ZNF777: variants seen among roughly 807,000 people sequenced by gnomAD.
The protein encoded by ZNF777 is zinc finger protein 777.
Under a neutral mutation model 72.1 loss-of-function variants are expected in ZNF777, and 7 were observed. The ratio of observed to expected loss-of-function variants is 0.10; its 90% CI spans 0.06 to 0.18. ZNF777 has a LOEUF of 0.18. Among genes scored for constraint, ZNF777 ranks in the 10% least tolerant of loss-of-function variants. The pLI is 1.00. For missense variants in ZNF777, 828 were observed against 1,128.6 expected, an observed-to-expected ratio of 0.73 and a Z score of 3.82; for synonymous variants, 545 against 483.5, an observed-to-expected ratio of 1.13 and a Z score of -1.67.
At chr7:149,445,139 T>C (rs538612735) in intron 4 of ZNF777, among the ~76,000 whole-genome samples, 292 of 152,234 alleles carry the variant, frequency 1.9e-3, no homozygotes, top group Middle Eastern at 3.4e-3. Context: ...TGCTCCTGAG[T>C]CTCTAATTTG....
At chr7:149,448,862 T>A (rs1382540792) in intron 4 of ZNF777, among the ~76,000 whole-genome samples, 2 of 152,100 alleles carry the variant, frequency 1.3e-5, no homozygotes, top group African/African-American at 2.4e-5. Context: ...GACATCTGAA[T>A]CATCTTTACA....
At position 149,441,984 on chromosome 7, in the gene ZNF777, G is replaced by A. The variant is rs192618790; in HGVS notation, c.1088-5158C>T. Among the ~76,000 whole-genome samples the A allele has an allele frequency of 9.9e-5, 15 of 151,274 alleles. No homozygotes were observed. The East Asian group carries it at 2.3e-3, about 24-fold the overall frequency. Reference sequence around the variant, plus strand: ...AGATTGGGAGGCTGAGGCGGGTAACGTCAGGACAAACTCCTGACGTCAGGA... The same window carrying A: ...AGATTGGGAGGCTGAGGCGGGTAACATCAGGACAAACTCCTGACGTCAGGA... On this transcript the variant is annotated intron_variant, in intron 4 of 5. Transcript: ENST00000247930.
Position 149,451,115 on chromosome 7 carries a change from A to G in ZNF777, c.974-3T>C. ...GTCTGGTTTGGAAATTGCATAGTCT[A>G]GGCAGAAGAAAGGGAAAAAAATATG... On this transcript the variant is annotated splice_region_variant and splice_polypyrimidine_tract_variant and intron_variant, in intron 3 of 5. Coordinates refer to ENST00000247930, the MANE Select transcript of ZNF777 (RefSeq NM_015694.3). 6.2e-7 allele frequency: 1 copy of G among 1,613,398 alleles called. No individual in the cohort carries two copies. The highest frequency in any genetic ancestry group is 1.1e-5 in the South Asian group (1 of 91,076).
Position 149,431,572 on chromosome 7 carries a change from CT to C in ZNF777, c.*203del, listed in dbSNP as rs1563231692. 9.2e-6 allele frequency: 5 copies of C among 541,658 alleles called. No homozygotes were observed. In the Admixed American group the frequency reaches 1.1e-4, roughly 11 times the overall value. 33.6% of individuals were successfully genotyped at this position (541,658 alleles called of 1,614,324 possible). A position where few individuals can be genotyped will look rare whatever the true frequency, so the allele number is the denominator to read the frequency against. ...GTTCCCCAGGTCCGCGCCCTCCCCC[CT>C]GGGGCCCCCGGGGAAACGCGGCAGC... On this transcript the variant is annotated 3_prime_UTR_variant, in exon 6 of 6. Coordinates refer to ENST00000247930, the MANE Select transcript of ZNF777 (RefSeq NM_015694.3).
At chr7:149,433,936 A>G (rs1799369133) in intron 5 of ZNF777, among the ~76,000 whole-genome samples, 1 of 152,250 alleles carries the variant, frequency 6.6e-6, no homozygotes. Flanking sequence ...GTGACATAAG[A>G]AAGTCACTTC....
chr7:149,448,579 C>CTATATATATATATA (rs57860880), intron 4 of ZNF777, among the ~76,000 whole-genome samples: 157 of 115,004 alleles, frequency 1.4e-3, no homozygotes, highest in Middle Eastern at 4.8e-3. Flanking sequence ...ATACATATAA[C>CTATATATATATATA]TATATATATA....
In ZNF777 at chr7:149,450,951, A is replaced by G. The variant is rs373319452; in HGVS notation, c.1087+48T>C. The G allele has an allele frequency of 8.3e-4, 1,262 of 1,527,516 alleles. 22 individuals carry two copies. In the South Asian group the frequency reaches 0.013, roughly 16 times the overall value. The allele number at this position is 1,527,516 out of a possible 1,614,324, so 94.6% of individuals were successfully genotyped here. On this transcript the variant is annotated intron_variant, in intron 4 of 5. Transcript: ENST00000247930. Reference sequence around the variant, plus strand: ...TGCCTCATGCTGGCGCTTCCTGAGTACTGAAAGATCTAGAATGCAGAGCTG... The same window carrying G: ...TGCCTCATGCTGGCGCTTCCTGAGTGCTGAAAGATCTAGAATGCAGAGCTG...
At chr7:149,448,552 CATAT>C (rs928866876) in intron 4 of ZNF777, among the ~76,000 whole-genome samples, 1 of 107,084 alleles carries the variant, frequency 9.3e-6, no homozygotes, top group Non-Finnish European at 1.9e-5. Flanking sequence ...TATAGTTATA[CATAT>C]AGTTATATAG....
intron 4 of ZNF777, among the ~76,000 whole-genome samples, chr7:149,450,753 G>A (rs1460972088): frequency 6.6e-6 from 1 of 152,200 alleles, no homozygotes; most frequent in Non-Finnish European, 1.5e-5. Flanking sequence ...TTCCTACAGA[G>A]AGTGAGGTGA....
chr7:149,439,547 G>C (rs1799472277), intron 4 of ZNF777, among the ~76,000 whole-genome samples: 1 of 152,104 alleles, frequency 6.6e-6, no homozygotes, highest in African/African-American at 2.4e-5. Context: ...AAAAATACAT[G>C]AACAAATTCT....
intron 4 of ZNF777, among the ~76,000 whole-genome samples, chr7:149,450,469 TCAGATA>T (rs1799692535): frequency 1.3e-5 from 2 of 152,106 alleles, no homozygotes; most frequent in African/African-American, 4.8e-5. Context: ...AAAACTATAC[TCAGATA>T]CAGTCAGCCT....
In ZNF777 at chr7:149,451,061, C is replaced by G. The variant is rs573297784; in HGVS notation, c.1025G>C (p.Arg342Pro). ...DLMSQMERGE[R>P]PTMQEQEDSE... Reference sequence around the variant, plus strand: ...GTCTTCCTGCTCCTGCATGGTGGGCCGCTCCCCGCGCTCCATCTGTGACAT... The same window carrying G: ...GTCTTCCTGCTCCTGCATGGTGGGCGGCTCCCCGCGCTCCATCTGTGACAT... Residue 342 changes from arginine (R) to proline (P), a missense_variant, in exon 4 of 6, where the codon CGG becomes CCG. Physicochemically the swap from Arg to Pro is moderately radical, Grantham distance 103 (BLOSUM62 -2). Transcript: ENST00000247930. 2 of 1,613,990 alleles carry G rather than the reference C, an allele frequency of 1.2e-6. No individual in the cohort carries two copies. The highest frequency in any genetic ancestry group is 1.7e-6 in the Non-Finnish European group (2 of 1,180,028).
Position 149,455,806 on chromosome 7 carries a change from G to A in ZNF777, c.217C>T (p.His73Tyr). 1 of 1,612,818 alleles carries A rather than the reference G, an allele frequency of 6.2e-7. No homozygotes were observed. The highest frequency in any genetic ancestry group is 8.5e-7 in the Non-Finnish European group (1 of 1,179,010). ...PKQETSGRMP[H>Y]VLQKGPSLLC... ...AGTGAGGGTCCCTTCTGGAGCACATGTGGCATCCGGCCAGAAGTCTCTTGC... is the reference window on the plus strand; with the variant it reads ...AGTGAGGGTCCCTTCTGGAGCACATATGGCATCCGGCCAGAAGTCTCTTGC... Residue 73 changes from histidine to tyrosine, a missense_variant, in exon 2 of 6, where the codon CAT (histidine) becomes TAT (tyrosine). His to Tyr is a moderately conservative substitution (Grantham distance 83, BLOSUM62 2). Transcript: ENST00000247930. The surrounding 1 kb of genome is among the most constrained non-coding windows in gnomAD (Gnocchi z 4.2).
intron 4 of ZNF777, among the ~76,000 whole-genome samples, chr7:149,443,753 T>C (rs2116584910): frequency 6.6e-6 from 1 of 152,204 alleles, no homozygotes; most frequent in African/African-American, 2.4e-5. Flanking sequence ...CAGCTATATA[T>C]ACATATTTTG....
chr7:149,451,394 T>TA (rs1799714459), intron 3 of ZNF777, among the ~76,000 whole-genome samples: 1 of 151,834 alleles, frequency 6.6e-6, no homozygotes, highest in Non-Finnish European at 1.5e-5. Context: ...TTTTGTAAGG[T>TA]AAAAAACTAA....
intron 1 of ZNF777, chr7:149,459,893 G>T (rs866113450): frequency 2.1e-6 from 2 of 974,404 alleles, no homozygotes; most frequent in African/African-American, 3.5e-5. Flanking sequence ...GTGCCGGGCC[G>T]GGCGTGAGAG....
intron 4 of ZNF777, among the ~76,000 whole-genome samples, chr7:149,448,651 A>G (rs1350454667): frequency 6.8e-6 from 1 of 147,462 alleles, no homozygotes; most frequent in African/African-American, 2.5e-5. Context: ...GAAAGCATCA[A>G]ATTGCTTTCT....
chr7:149,456,047 T>C lies in ZNF777; in HGVS notation c.-15-10A>G. ...TGTCCAGCTGCTGAACCTGTGTTCA[T>C]GGAAGAAAGGAAAAGAGGATTAAAG... On this transcript the variant is annotated splice_polypyrimidine_tract_variant and intron_variant, in intron 1 of 5. Coordinates refer to ENST00000247930, the MANE Select transcript of ZNF777 (RefSeq NM_015694.3). 6.5e-7 allele frequency: 1 copy of C among 1,531,116 alleles called. No homozygotes were observed. Among genetic ancestry groups the C allele is most frequent in the Non-Finnish European group, 8.8e-7 (1 of 1,139,026 alleles). 94.8% of individuals were successfully genotyped at this position (1,531,116 alleles called of 1,614,324 possible).
chr7:149,434,245 G>A (rs1393360723), intron 5 of ZNF777, among the ~76,000 whole-genome samples: 1 of 152,172 alleles, frequency 6.6e-6, no homozygotes, highest in Admixed American at 6.5e-5. Flanking sequence ...CAATGTTTGT[G>A]ACCCAGCCAA....
Sources: allele counts gnomAD v4.1 joint callset (sites outside exome capture counted in the v4.1 genomes callset), GRCh38; gene constraint gnomAD v4.1.1; non-coding constraint Gnocchi (gnomAD v3.1); transcripts MANE v1.5; gene names NCBI Gene and HGNC (gene_info 2026-07-23, HGNC 2026-07-21).